AGBL4: variants seen among roughly 807,000 people sequenced by gnomAD.
AGBL4 encodes the protein AGBL carboxypeptidase 4.
In AGBL4, 58 loss-of-function variants were observed where a neutral mutation model predicts 66.4. That is an observed-to-expected ratio of 0.87 (90% CI 0.71 to 1.09). The LOEUF (loss-of-function observed/expected upper bound fraction) is 1.09, where lower values mean the gene tolerates loss of function less well. AGBL4 is among the 50% of genes least tolerant of loss of function. The pLI is 0.00. For synonymous variants in AGBL4, 234 were observed against 222.9 expected (o/e 1.05, Z -0.44); for missense variants, 579 against 631.0 (o/e 0.92, Z 0.88).
chr1:48,585,153 G>A (rs1291905852), intron 11 of AGBL4: 4 of 152,180 alleles, frequency 2.6e-5, no homozygotes, highest in African/African-American at 9.7e-5. Flanking sequence ...CCTGAACCAA[G>A]GGTGGGCTTT....
At chr1:49,491,288 C>A (rs1647180230) in intron 3 of AGBL4, among the ~76,000 whole-genome samples, 1 of 151,776 alleles carries the variant, frequency 6.6e-6, no homozygotes, top group South Asian at 2.1e-4. Context: ...TAAATCTATC[C>A]TAATTATAAC....
At chr1:49,924,261 G>A (rs1318867287) in intron 1 of AGBL4, among the ~76,000 whole-genome samples, 1 of 152,156 alleles carries the variant, frequency 6.6e-6, no homozygotes, top group East Asian at 1.9e-4. Flanking sequence ...GACACATAGA[G>A]GGGAACAACA....
chr1:50,007,655 T>A (rs1557656371), intron 1 of AGBL4, among the ~76,000 whole-genome samples: 1 of 152,094 alleles, frequency 6.6e-6, no homozygotes, highest in Non-Finnish European at 1.5e-5. Flanking sequence ...TAATCCCAGA[T>A]ACTCAGGAGG....
chr1:49,108,498 G>A (rs1403099334), intron 4 of AGBL4, among the ~76,000 whole-genome samples: 2 of 152,076 alleles, frequency 1.3e-5, no homozygotes, highest in Non-Finnish European at 2.9e-5. Flanking sequence ...CAAACCAAAT[G>A]AACAAAACTG....
intron 4 of AGBL4, among the ~76,000 whole-genome samples, chr1:49,102,043 G>A (rs1169596745): frequency 6.6e-6 from 1 of 152,010 alleles, no homozygotes; most frequent in Non-Finnish European, 1.5e-5. Flanking sequence ...GAGAGAGAGA[G>A]AGAGAGACAG....
At chr1:49,216,892 A>G (rs1379527201) in intron 4 of AGBL4, among the ~76,000 whole-genome samples, 1 of 152,078 alleles carries the variant, frequency 6.6e-6, no homozygotes, top group Non-Finnish European at 1.5e-5. Flanking sequence ...TGAATTTGGG[A>G]CCCACTTGCA....
chr1:49,185,191 C>T (rs1051093343), intron 4 of AGBL4, among the ~76,000 whole-genome samples: 3 of 152,122 alleles, frequency 2.0e-5, no homozygotes, highest in African/African-American at 7.2e-5. Flanking sequence ...TGGAGATGCC[C>T]GTAAGTAAGA....
At chr1:49,200,088 C>T (rs899749479) in intron 4 of AGBL4, among the ~76,000 whole-genome samples, 13 of 152,050 alleles carry the variant, frequency 8.5e-5, no homozygotes, top group African/African-American at 3.1e-4. Flanking sequence ...ATTCTTTTAC[C>T]TTGGGTAAAG....
chr1:49,182,182 T>G (rs1432318857), intron 4 of AGBL4, among the ~76,000 whole-genome samples: 2 of 152,202 alleles, frequency 1.3e-5, no homozygotes, highest in Admixed American at 1.3e-4. Context: ...ATGACCATCC[T>G]TAGAAGTGGA....
At chr1:49,523,486 C>T (rs1650422824) in intron 3 of AGBL4, among the ~76,000 whole-genome samples, 1 of 151,892 alleles carries the variant, frequency 6.6e-6, no homozygotes, top group South Asian at 2.1e-4. Flanking sequence ...AATATTGGTG[C>T]AATTATAGTA....
At chr1:49,629,067 A>C (rs1313392849) in intron 3 of AGBL4, among the ~76,000 whole-genome samples, 1 of 152,206 alleles carries the variant, frequency 6.6e-6, no homozygotes, top group Non-Finnish European at 1.5e-5. Context: ...CATCCTTTTA[A>C]AAAGGGGTCA....
intron 2 of AGBL4, among the ~76,000 whole-genome samples, chr1:49,768,034 A>G (rs1036679215): frequency 6.6e-6 from 1 of 151,954 alleles, no homozygotes; most frequent in African/African-American, 2.4e-5. Flanking sequence ...AAACAAAAAA[A>G]CCCTGTCAAC....
In AGBL4 at chr1:49,786,349, G is replaced by C. The variant is rs371576540; in HGVS notation, c.157+65047C>G. 1.4e-3 allele frequency among the ~76,000 whole-genome samples: 211 copies of C among 152,160 alleles called. 1 individual carries two copies. Among genetic ancestry groups the C allele is most frequent in the African/African-American group, 4.8e-3 (198 of 41,542 alleles). On this transcript the variant is annotated intron_variant, in intron 2 of 13. Coordinates refer to ENST00000371839, the MANE Select transcript of AGBL4 (RefSeq NM_032785.4). Reference sequence around the variant, plus strand: ...TTATCTCACAATTTAGCACCTTAAAGTAAGAAATATTTATTATCCCACAGT... The same window carrying C: ...TTATCTCACAATTTAGCACCTTAAACTAAGAAATATTTATTATCCCACAGT...
Position 49,850,217 on chromosome 1 carries a change from G to A in AGBL4, c.157+1179C>T, listed in dbSNP as rs554841172. Among the ~76,000 whole-genome samples the A allele has an allele frequency of 4.6e-5, 7 of 152,212 alleles. No individual in the cohort carries two copies. In the East Asian group the frequency reaches 9.6e-4, roughly 21 times the overall value. On this transcript the variant is annotated intron_variant, in intron 2 of 13. Coordinates refer to ENST00000371839, the MANE Select transcript of AGBL4 (RefSeq NM_032785.4). ...CATTTTTGTAAAAAGTGGAAATTTG[G>A]ATATAGACATACAGGGAGAACACCA...
intron 3 of AGBL4, among the ~76,000 whole-genome samples, chr1:49,562,110 T>A (rs1459960923): frequency 6.6e-6 from 1 of 152,230 alleles, no homozygotes; most frequent in East Asian, 1.9e-4. Flanking sequence ...TGTCTTCTTT[T>A]GAGAAGTGTG....
In AGBL4 at chr1:48,563,170, T is replaced by C. The variant is rs11205507; in HGVS notation, c.1268-23432A>G. ...AAGTTCATTAATAATTTCGGCTTTC[T>C]GGAGGAAGGAGTTGGATTGCTTTGC... On this transcript the variant is annotated intron_variant, in intron 11 of 13. Coordinates refer to ENST00000371839, the MANE Select transcript of AGBL4 (RefSeq NM_032785.4). 6.9e-4 allele frequency among the ~76,000 whole-genome samples: 105 copies of C among 152,344 alleles called. 2 individuals carry two copies. The East Asian group carries it at 0.018, about 26-fold the overall frequency.
chr1:49,499,651 T>C (rs1299090751), intron 3 of AGBL4, among the ~76,000 whole-genome samples: 1 of 151,988 alleles, frequency 6.6e-6, no homozygotes, highest in African/African-American at 2.4e-5. Flanking sequence ...CTTAGAATAA[T>C]GGTCTCCAAT....
intron 4 of AGBL4, among the ~76,000 whole-genome samples, chr1:49,074,943 G>A (rs530160093): frequency 8.5e-5 from 13 of 152,104 alleles, no homozygotes; most frequent in African/African-American, 2.2e-4. Context: ...CCATGTATAC[G>A]CACCAAGACA....
intron 4 of AGBL4, among the ~76,000 whole-genome samples, chr1:49,095,094 A>T (rs1645070845): frequency 6.6e-6 from 1 of 152,366 alleles, no homozygotes; most frequent in African/African-American, 2.4e-5. Flanking sequence ...ATTGCTTCAA[A>T]GAGAATAAAA....
Sources: allele counts gnomAD v4.1 joint callset (sites outside exome capture counted in the v4.1 genomes callset), GRCh38; gene constraint gnomAD v4.1.1; transcripts MANE v1.5; gene names NCBI Gene and HGNC (gene_info 2026-07-23, HGNC 2026-07-21).